PCDHGA12: variants seen among roughly 807,000 people sequenced by gnomAD.
PCDHGA12 encodes the protein protocadherin gamma subfamily A, 12, also known as protocadherin gamma-A12.
A neutral mutation model predicts 61.1 loss-of-function variants in PCDHGA12; 43 were observed. The observed-to-expected ratio is 0.70, with a 90% CI of 0.55 to 0.91. PCDHGA12 has a LOEUF of 0.91. Among genes scored for constraint, PCDHGA12 ranks in the 40% least tolerant of loss-of-function variants. PCDHGA12 has a pLI of 0.00. For synonymous variants in PCDHGA12, 520 were observed against 542.9 expected, an observed-to-expected ratio of 0.96 and a Z score of 0.59; for missense variants, 1,236 against 1,227.7, an observed-to-expected ratio of 1.01 and a Z score of -0.10.
rs537985555 is a variant in PCDHGA12 at position 141,449,278 on chromosome 5, C to A, written c.2424+16095C>A. On this transcript the variant is annotated intron_variant, in intron 1 of 3. Coordinates refer to ENST00000252085, the MANE Select transcript of PCDHGA12 (RefSeq NM_003735.3). ...TGTACAAAGAACTGTATCTCCTTCA[C>A]CCGGATGCACCGGGTGAATTATATG... Among the ~76,000 whole-genome samples the A allele has an allele frequency of 4.6e-5, 7 of 152,166 alleles. No homozygotes were observed. In the South Asian group the frequency reaches 1.5e-3, roughly 32 times the overall value.
chr5:141,509,572 G>T (rs955898202), intron 3 of PCDHGA12, among the ~76,000 whole-genome samples: 24 of 152,300 alleles, frequency 1.6e-4, no homozygotes, highest in Middle Eastern at 3.4e-3. Context: ...CCTTCACAGT[G>T]CGTACAAATC....
chr5:141,510,919 C>T (rs748157000), intron 3 of PCDHGA12, 28 bp from the exon 4 acceptor site: 1 of 1,613,894 alleles, frequency 6.2e-7, no homozygotes, highest in East Asian at 2.2e-5. Context: ...AAGTTTAGCT[C>T]CCACCTGATC....
In PCDHGA12 at chr5:141,496,208, G is replaced by T. The variant is rs530974273; in HGVS notation, c.2483+1343G>T. On this transcript the variant is annotated intron_variant, in intron 2 of 3. Coordinates refer to ENST00000252085, the MANE Select transcript of PCDHGA12 (RefSeq NM_003735.3). Reference sequence around the variant, plus strand: ...CCAGCTGCTCATTTCAATCTGGTATGAATTCCTGCTGAGACAGGAACCCCC... The same window carrying T: ...CCAGCTGCTCATTTCAATCTGGTATTAATTCCTGCTGAGACAGGAACCCCC... Among the ~76,000 whole-genome samples, 13 of 152,222 alleles carry T rather than the reference G, an allele frequency of 8.5e-5. No homozygotes were observed. In the East Asian group the frequency reaches 2.3e-3, roughly 27 times the overall value.
intron 3 of PCDHGA12, 90 bp from the exon 4 acceptor site, chr5:141,510,857 A>G (rs1184962556): frequency 6.2e-7 from 1 of 1,605,538 alleles, no homozygotes; most frequent in Non-Finnish European, 8.5e-7. Flanking sequence ...AGGGTGCTGT[A>G]TAGGCATTCA....
chr5:141,492,071 C>T (rs992716777), intron 1 of PCDHGA12: 7 of 481,874 alleles, frequency 1.5e-5, no homozygotes, highest in African/African-American at 1.4e-4. Context: ...CTCCTAGGCG[C>T]CGGCTCCGGC....
rs2099883795 is a variant in PCDHGA12 at position 141,511,444 on chromosome 5, A to C, written c.*271A>C. 3.0e-6 allele frequency: 2 copies of C among 665,362 alleles called. No individual in the cohort carries two copies. The highest frequency in any genetic ancestry group is 3.6e-5 in the African/African-American group (2 of 54,978). 41.2% of individuals were successfully genotyped at this position (665,362 alleles called of 1,614,324 possible). On this transcript the variant is annotated 3_prime_UTR_variant, in exon 4 of 4. Coordinates refer to ENST00000252085, the MANE Select transcript of PCDHGA12 (RefSeq NM_003735.3). ...GGGTAGTGGGGTTACTGTAGACACC[A>C]AGAACCATTTGCCACACCCCGTTTA...
rs770596172 is a variant in PCDHGA12, at chr5:141,487,664, G to A, written c.2425-7143G>A. ...AATGCTTGAGGGTTATTCTGATCCA[G>A]GCATATGGCTAGGCCATGTCCTAGA... On this transcript the variant is annotated intron_variant, in intron 1 of 3. Transcript: ENST00000252085. The surrounding 1 kb of genome is among the most constrained non-coding windows in gnomAD (Gnocchi z 5.0). 1.9e-5 allele frequency: 31 copies of A among 1,613,048 alleles called. No individual in the cohort carries two copies. The South Asian group carries it at 3.4e-4, about 18-fold the overall frequency.
chr5:141,431,320 C>T lies in PCDHGA12; in HGVS notation c.561C>T (p.Asp187=). The change falls in exon 1 of 4, where the codon GAC becomes GAT. Residue 187 remains aspartate, a synonymous_variant. Coordinates refer to ENST00000252085, the MANE Select transcript of PCDHGA12 (RefSeq NM_003735.3). The surrounding 1 kb of genome is among the most constrained non-coding windows in gnomAD (Gnocchi z 4.8). The part of the protein sequence containing the change: ...HFSLIVQNGA[D]GSKYPELVLK... ...CCCTCATCGTGCAAAATGGAGCCGA[C>T]GGTAGTAAGTACCCCGAATTGGTGC... is the stretch of plus-strand genomic sequence containing the variant. 1 of 1,614,102 alleles carries T rather than the reference C, an allele frequency of 6.2e-7. No homozygotes were observed. Among genetic ancestry groups the T allele is most frequent in the Non-Finnish European group, 8.5e-7 (1 of 1,180,038 alleles).
At chr5:141,440,912 G>A (rs1281398967) in intron 1 of PCDHGA12, 1 of 152,254 alleles carries the variant, frequency 6.6e-6, no homozygotes, top group African/African-American at 2.4e-5. Context: ...GGGCACTCCT[G>A]TGCTGAGAGT....
intron 2 of PCDHGA12, among the ~76,000 whole-genome samples, chr5:141,502,428 A>C (rs2099814217): frequency 6.6e-6 from 1 of 151,978 alleles, no homozygotes; most frequent in South Asian, 2.1e-4. Flanking sequence ...CTATTCTCTG[A>C]TGGTTAGATT....
chr5:141,457,422 T>C (rs2098920028), intron 1 of PCDHGA12, among the ~76,000 whole-genome samples: 1 of 151,626 alleles, frequency 6.6e-6, no homozygotes. Flanking sequence ...CATCCCTTTT[T>C]CCCCCCCACC....
intron 2 of PCDHGA12, among the ~76,000 whole-genome samples, chr5:141,500,138 ACTTTT>A: frequency 6.6e-6 from 1 of 150,560 alleles, no homozygotes; most frequent in Middle Eastern, 3.2e-3. Flanking sequence ...ATCTTTCTAA[ACTTTT>A]CTTTGTGTAA....
chr5:141,507,206 G>A (rs1392293998), intron 3 of PCDHGA12: 2 of 152,376 alleles, frequency 1.3e-5, no homozygotes, highest in African/African-American at 4.8e-5. Flanking sequence ...CCAGATCAGG[G>A]TTGCCAGATA....
At chr5:141,502,216 A>G (rs957759583) in intron 2 of PCDHGA12, among the ~76,000 whole-genome samples, 3 of 152,334 alleles carry the variant, frequency 2.0e-5, no homozygotes, top group Admixed American at 6.5e-5. Context: ...GCAGATTTTC[A>G]TAAATGTTCT....
intron 1 of PCDHGA12, among the ~76,000 whole-genome samples, chr5:141,481,913 CAAAAA>C (rs34114744): frequency 1.1e-5 from 1 of 90,852 alleles, no homozygotes; most frequent in Non-Finnish European, 2.2e-5. Flanking sequence ...AACTCCATCT[CAAAAA>C]AAAAAAAAAA....
At chr5:141,436,173 A>T (rs556225963) in intron 1 of PCDHGA12, among the ~76,000 whole-genome samples, 1 of 152,302 alleles carries the variant, frequency 6.6e-6, no homozygotes, top group East Asian at 1.9e-4. Context: ...GACAGTTCTC[A>T]TATATAGTCA....
chr5:141,502,694 G>A (rs1039264846), intron 2 of PCDHGA12, among the ~76,000 whole-genome samples: 5 of 152,180 alleles, frequency 3.3e-5, no homozygotes, highest in African/African-American at 1.2e-4. Flanking sequence ...ATCCTTGCCT[G>A]TATCTGTTTT....
rs756243026 is a variant in PCDHGA12, at chr5:141,487,478, T to C, written c.2425-7329T>C. On this transcript the variant is annotated intron_variant, in intron 1 of 3. Transcript: ENST00000252085. This position sits in a 1 kb window ranked among gnomAD's most constrained non-coding sequence, Gnocchi z 5.0. ...CAAGTTTGTTGATGTGGGAGGCCAC[T>C]CTCATGGCTGTACACCCTTGGCTTC... is the stretch of plus-strand genomic sequence containing the variant. 6 of 1,614,078 alleles carry C rather than the reference T, an allele frequency of 3.7e-6. No individual in the cohort carries two copies. In the Admixed American group the frequency reaches 1.0e-4, roughly 27 times the overall value.
intron 1 of PCDHGA12, among the ~76,000 whole-genome samples, chr5:141,471,737 A>G (rs2099263581): frequency 6.6e-6 from 1 of 152,232 alleles, no homozygotes; most frequent in Non-Finnish European, 1.5e-5. Context: ...AAGGTTGGAG[A>G]CATAACATAT....
Sources: gnomAD v4.1 joint callset for allele counts (sites outside exome capture counted in the v4.1 genomes callset) on GRCh38, gnomAD v4.1.1 for gene constraint, Gnocchi (gnomAD v3.1) non-coding constraint, MANE v1.5 for transcripts, NCBI Gene and HGNC (gene_info 2026-07-23, HGNC 2026-07-21) for gene names.